The following PRELID2 variants were observed in gnomAD, a reference collection of about 807,000 sequenced individuals.
PRELID2 encodes the protein PRELI domain containing 2.
A neutral mutation model predicts 28.4 loss-of-function variants in PRELID2; 25 were observed. The observed-to-expected ratio is 0.88, with a 90% CI of 0.64 to 1.23. The LOEUF is 1.23. Among genes scored for constraint, PRELID2 ranks in the 50% most tolerant of loss-of-function variants. The pLI is 0.00. For synonymous variants in PRELID2, 76 were observed against 71.6 expected, an observed-to-expected ratio of 1.06 and a Z score of -0.31; for missense variants, 201 against 214.4, an observed-to-expected ratio of 0.94 and a Z score of 0.39.
the PRELID2 span, among the ~76,000 whole-genome samples, chr5:145,346,482 G>A: frequency 9.2e-5 from 14 of 152,210 alleles, no homozygotes; most frequent in South Asian, 2.7e-3. Context: ...CCAAGATAAT[G>A]CACTAAATTG....
At chr5:145,650,916 C>G (rs940181777) in intron 1 of PRELID2, among the ~76,000 whole-genome samples, 1 of 151,932 alleles carries the variant, frequency 6.6e-6, no homozygotes, top group Non-Finnish European at 1.5e-5. Context: ...GGGTGCAGGA[C>G]AGTGGGTGCG....
intron 1 of PRELID2, among the ~76,000 whole-genome samples, chr5:145,501,328 C>T (rs1561494993): frequency 6.6e-6 from 1 of 152,108 alleles, no homozygotes; most frequent in Admixed American, 6.6e-5. Flanking sequence ...TGTCCCTTGC[C>T]CAGAACACAA....
rs548036751 is a variant in PRELID2 at position 145,657,825 on chromosome 5, C to T, written n.70+107106G>A. Among the ~76,000 whole-genome samples the T allele has an allele frequency of 3.3e-5, 5 of 152,334 alleles. No individual in the cohort carries two copies. The South Asian group carries it at 8.3e-4, about 25-fold the overall frequency. ...CTTCTCCAAAAGGGAGACAAAGACT[C>T]AAAAAGACTAATTTTTGCTCATGAA... On this transcript the variant is annotated intron_variant and non_coding_transcript_variant, in intron 1 of 2. Transcript: ENST00000510259.
intron 5 of PRELID2, among the ~76,000 whole-genome samples, chr5:145,779,986 G>T (rs895861437): frequency 1.3e-5 from 2 of 152,210 alleles, no homozygotes; most frequent in African/African-American, 2.4e-5. Context: ...TTCGAGACCA[G>T]CCTGGGCAAC....
the PRELID2 span, among the ~76,000 whole-genome samples, chr5:145,438,627 G>A: frequency 6.6e-6 from 1 of 152,110 alleles, no homozygotes; most frequent in African/African-American, 2.4e-5. Context: ...AGAGAAAACT[G>A]TTTAAAAAAT....
At chr5:145,700,672 C>G (rs976052681) in intron 1 of PRELID2, among the ~76,000 whole-genome samples, 1 of 152,128 alleles carries the variant, frequency 6.6e-6, no homozygotes, top group Non-Finnish European at 1.5e-5. Context: ...CAGGGGTCCC[C>G]AAGGACCAGC....
chr5:145,823,490 C>A (rs1754970545), intron 1 of PRELID2, among the ~76,000 whole-genome samples: 1 of 152,192 alleles, frequency 6.6e-6, no homozygotes. Context: ...CTTGCACAAT[C>A]TTGTCTAAAT....
intron 1 of PRELID2, among the ~76,000 whole-genome samples, chr5:145,662,333 T>G (rs571681325): frequency 2.6e-5 from 4 of 152,166 alleles, no homozygotes; most frequent in Non-Finnish European, 4.4e-5. Context: ...AATGTTATTG[T>G]GGAAGCTCAT....
intron 1 of PRELID2, among the ~76,000 whole-genome samples, chr5:145,833,489 C>T (rs543745717): frequency 1.3e-5 from 2 of 152,334 alleles, no homozygotes; most frequent in African/African-American, 4.8e-5. Flanking sequence ...GCAAAGTCTA[C>T]AACAGGTCTG....
chr5:145,502,171 G>C (rs143919731), intron 1 of PRELID2, among the ~76,000 whole-genome samples: 1 of 152,078 alleles, frequency 6.6e-6, no homozygotes, highest in East Asian at 1.9e-4. Flanking sequence ...AGGCCTCAGG[G>C]AACATACAGT....
chr5:145,521,913 C>T (rs757653324), intron 1 of PRELID2, among the ~76,000 whole-genome samples: 5 of 152,138 alleles, frequency 3.3e-5, no homozygotes, highest in Non-Finnish European at 4.4e-5. Flanking sequence ...TAGAAAGTTG[C>T]CCTGCTAGAA....
intron 1 of PRELID2, among the ~76,000 whole-genome samples, chr5:145,652,193 A>T (rs1754310200): frequency 6.6e-6 from 1 of 152,216 alleles, no homozygotes; most frequent in Non-Finnish European, 1.5e-5. Context: ...GCAAGAAGAG[A>T]AGTTTAGAAA....
the PRELID2 span, among the ~76,000 whole-genome samples, chr5:145,435,044 A>G: frequency 1.3e-5 from 2 of 152,212 alleles, no homozygotes; most frequent in African/African-American, 4.8e-5. Flanking sequence ...CTAATTAAAT[A>G]TCCTTGTTCT....
At chr5:145,728,445 C>A (rs73304004) in intron 1 of PRELID2, 1 of 588,636 alleles carries the variant, frequency 1.7e-6, no homozygotes, top group African/African-American at 1.8e-5. Context: ...ACAGGGACCC[C>A]GGATCTGGAA....
intron 1 of PRELID2, among the ~76,000 whole-genome samples, chr5:145,558,314 G>T (rs530754602): frequency 1.2e-4 from 18 of 152,210 alleles, no homozygotes; most frequent in Non-Finnish European, 2.5e-4. Flanking sequence ...TTGTTGAAGG[G>T]GGAATATGAA....
downstream of PRELID2, among the ~76,000 whole-genome samples, chr5:145,753,363 G>A (rs1757176409): frequency 6.6e-6 from 1 of 152,160 alleles, no homozygotes; most frequent in Non-Finnish European, 1.5e-5. Context: ...TCTGCAAGGG[G>A]TTCTATTCCA....
rs534157071 is a variant in PRELID2, at chr5:145,619,963, A to G, written n.70+144968T>C. ...AAATTTAAACAGTCTGAAAATTTCA[A>G]GTATTGATGGAATGAGAAGCAATGG... On this transcript the variant is annotated intron_variant and non_coding_transcript_variant, in intron 1 of 2. Transcript: ENST00000510259. Among the ~76,000 whole-genome samples, 4 of 152,368 alleles carry G rather than the reference A, an allele frequency of 2.6e-5. 1 individual carries two copies. The South Asian group carries it at 8.3e-4, about 32-fold the overall frequency.
At chr5:145,792,267 A>G (rs1752446561) in intron 5 of PRELID2, among the ~76,000 whole-genome samples, 1 of 152,172 alleles carries the variant, frequency 6.6e-6, no homozygotes. Context: ...GACCTTGAGA[A>G]AACTACTTTG....
chr5:145,553,183 C>CT (rs1752851843), intron 1 of PRELID2, among the ~76,000 whole-genome samples: 1 of 86,498 alleles, frequency 1.2e-5, no homozygotes, highest in South Asian at 4.8e-4. Context: ...TGCTAGAGGA[C>CT]CCCCCCCCCC....
Sources: allele counts gnomAD v4.1 joint callset (sites outside exome capture counted in the v4.1 genomes callset), GRCh38; gene constraint gnomAD v4.1.1; transcripts MANE v1.5; gene names NCBI Gene and HGNC (gene_info 2026-07-23, HGNC 2026-07-21).